Variants in PTP4A1 observed in about 807,000 individuals in gnomAD.
PTP4A1 encodes the protein protein tyrosine phosphatase 4A1.
PTP4A1 carries 9 observed loss-of-function variants against 20.5 expected under a neutral mutation model. The observed-to-expected ratio is 0.44, with a 90% CI of 0.26 to 0.77. PTP4A1 has a LOEUF of 0.77. Ranked by LOEUF, PTP4A1 falls within the 30% of genes least tolerant of loss-of-function variation. The probability of loss-of-function intolerance (pLI) is 0.19; values close to 1 mark genes in which losing one functional copy is unlikely to be tolerated. For synonymous variants in PTP4A1, 78 were observed against 67.4 expected, an observed-to-expected ratio of 1.16 and a Z score of -0.77; for missense variants, 137 against 218.8, an observed-to-expected ratio of 0.63 and a Z score of 2.36.
intron 3 of PTP4A1, among the ~76,000 whole-genome samples, chr6:63,553,382 G>T (rs1227536300): frequency 6.6e-6 from 1 of 152,128 alleles, no homozygotes; most frequent in African/African-American, 2.4e-5. Context: ...ACACAATTTT[G>T]GTCTCCATGA....
At chr6:63,531,215 T>C (rs573475119) in intron 2 of PTP4A1, among the ~76,000 whole-genome samples, 2 of 152,268 alleles carry the variant, frequency 1.3e-5, no homozygotes, top group East Asian at 1.9e-4. Flanking sequence ...TCACAGCCAA[T>C]GGGCAGAGAC....
At chr6:63,534,574 G>C (rs1212964641) in intron 2 of PTP4A1, among the ~76,000 whole-genome samples, 1 of 152,026 alleles carries the variant, frequency 6.6e-6, no homozygotes, top group Non-Finnish European at 1.5e-5. Context: ...CAGCTATGCA[G>C]GAGGCTGAGG....
At chr6:63,527,694 G>T (rs1775247441) in intron 1 of PTP4A1, 1 of 152,212 alleles carries the variant, frequency 6.6e-6, no homozygotes, top group Non-Finnish European at 1.5e-5. Context: ...ATGAGACAGT[G>T]ATGTTTCTGG....
At chr6:63,560,930 A>C (rs867740560) in intron 3 of PTP4A1, among the ~76,000 whole-genome samples, 4 of 152,226 alleles carry the variant, frequency 2.6e-5, no homozygotes, top group African/African-American at 9.7e-5. Flanking sequence ...GCAGATTTTC[A>C]GTAAAGTATT....
At chr6:63,529,095 A>C (rs1398028567) in intron 2 of PTP4A1, among the ~76,000 whole-genome samples, 1 of 149,206 alleles carries the variant, frequency 6.7e-6, no homozygotes, top group Non-Finnish European at 1.5e-5. Flanking sequence ...ATCTCAAAAT[A>C]TATATATGTG....
At chr6:63,543,076 C>T (rs1243137810) in intron 2 of PTP4A1, among the ~76,000 whole-genome samples, 2 of 152,206 alleles carry the variant, frequency 1.3e-5, no homozygotes, top group East Asian at 1.9e-4. Flanking sequence ...TCCCCCACTG[C>T]ACCTTCTCCT....
intron 3 of PTP4A1, among the ~76,000 whole-genome samples, chr6:63,557,284 G>T (rs1261516811): frequency 2.0e-5 from 3 of 152,216 alleles, no homozygotes; most frequent in Non-Finnish European, 4.4e-5. Context: ...TTAATATTAG[G>T]TGTGGGCATG....
intron 2 of PTP4A1, among the ~76,000 whole-genome samples, chr6:63,529,634 G>C (rs1329485392): frequency 6.6e-6 from 1 of 152,096 alleles, no homozygotes; most frequent in Non-Finnish European, 1.5e-5. Flanking sequence ...TCAAAAGCTT[G>C]GTTTGAGCAG....
intron 2 of PTP4A1, among the ~76,000 whole-genome samples, chr6:63,577,229 A>T (rs1202760458): frequency 2.0e-4 from 30 of 152,356 alleles, no homozygotes; most frequent in African/African-American, 7.0e-4. Flanking sequence ...ACAGTAAAAC[A>T]GTATAGCTCT....
chr6:63,550,397 G>C (rs1388074444), exon 3 of PTP4A1: 2 of 152,084 alleles, frequency 1.3e-5, no homozygotes, highest in Admixed American at 1.3e-4. Context: ...AAAGGTTGAA[G>C]CGTTCTTCAG....
In PTP4A1 at chr6:63,580,426, C is replaced by T; in HGVS notation, c.*252C>T. On this transcript the variant is annotated 3_prime_UTR_variant, in exon 6 of 6. Transcript: ENST00000626021. ...TGTGCTTGTCATTTGTATCAATTGACCTTTCCCCAAATCATGCAGTATTGA... is the reference window on the plus strand; with the variant it reads ...TGTGCTTGTCATTTGTATCAATTGATCTTTCCCCAAATCATGCAGTATTGA... 2.5e-6 allele frequency: 1 copy of T among 400,240 alleles called. No individual in the cohort carries two copies. Among genetic ancestry groups the T allele is most frequent in the Non-Finnish European group, 4.6e-6 (1 of 217,684 alleles). The allele number at this position is 400,240 out of a possible 1,614,324, so 24.8% of individuals were successfully genotyped here.
At chr6:63,573,993 T>A (rs1028839285) in intron 1 of PTP4A1, among the ~76,000 whole-genome samples, 1 of 151,902 alleles carries the variant, frequency 6.6e-6, no homozygotes, top group Non-Finnish European at 1.5e-5. Context: ...ATTCTGAGGG[T>A]TTTTTATCTT....
chr6:63,580,304 AG>A lies in PTP4A1; in HGVS notation c.*132del. On this transcript the variant is annotated 3_prime_UTR_variant, in exon 6 of 6. Transcript: ENST00000626021. ...AGGAGTATTGAAAGGCAGTTTTACC[AG>A]GCCTCAAGCTAGACAGATTTGGCAA... 1.3e-6 allele frequency: 1 copy of A among 750,678 alleles called. No homozygotes were observed. 46.5% of individuals were successfully genotyped at this position (750,678 alleles called of 1,614,324 possible).
chr6:63,572,312 T>G, upstream of PTP4A1: 3 of 211,128 alleles, frequency 1.4e-5, no homozygotes, highest in East Asian at 1.0e-4. Flanking sequence ...CGCTTAGCCA[T>G]TCATCAACCG....
At chr6:63,525,185 C>A (rs886831726) in intron 1 of PTP4A1, among the ~76,000 whole-genome samples, 1 of 152,216 alleles carries the variant, frequency 6.6e-6, no homozygotes, top group African/African-American at 2.4e-5. Context: ...TTTCAAAATT[C>A]TCAATTGTAA....
At chr6:63,537,926 G>C (rs1372783162) in intron 2 of PTP4A1, among the ~76,000 whole-genome samples, 1 of 152,188 alleles carries the variant, frequency 6.6e-6, no homozygotes, top group East Asian at 1.9e-4. Flanking sequence ...GCCCAGACAG[G>C]AGTTTAAAAG....
Position 63,580,220 on chromosome 6 carries a change from C to G in PTP4A1, c.*46C>G. On this transcript the variant is annotated 3_prime_UTR_variant, in exon 6 of 6. Coordinates refer to ENST00000626021, the MANE Select transcript of PTP4A1 (RefSeq NM_003463.5). Reference sequence around the variant, plus strand: ...CTGGAAGTGGAACTTGAGATAGGGCCTAATTTGTTATACATATTAGCCAAC... The same window carrying G: ...CTGGAAGTGGAACTTGAGATAGGGCGTAATTTGTTATACATATTAGCCAAC... 1 of 1,421,640 alleles carries G rather than the reference C, an allele frequency of 7.0e-7. No homozygotes were observed. The highest frequency in any genetic ancestry group is 9.9e-7 in the Non-Finnish European group (1 of 1,007,744). The allele number at this position is 1,421,640 out of a possible 1,614,324, so 88.1% of individuals were successfully genotyped here. A position where few individuals can be genotyped will look rare whatever the true frequency, so the allele number is the denominator to read the frequency against.
At chr6:63,522,551 G>C (rs995127727) in intron 1 of PTP4A1, among the ~76,000 whole-genome samples, 3 of 152,100 alleles carry the variant, frequency 2.0e-5, no homozygotes, top group Non-Finnish European at 4.4e-5. Context: ...TTCTTTTTGA[G>C]GTAGAAAAGG....
At chr6:63,549,965 C>T (rs1776364408) in intron 2 of PTP4A1, among the ~76,000 whole-genome samples, 1 of 152,020 alleles carries the variant, frequency 6.6e-6, no homozygotes, top group African/African-American at 2.4e-5. Flanking sequence ...ATTGAATGTT[C>T]ACAACATAAA....
Sources: gnomAD v4.1 joint callset for allele counts (sites outside exome capture counted in the v4.1 genomes callset) on GRCh38, gnomAD v4.1.1 for gene constraint, MANE v1.5 for transcripts, NCBI Gene and HGNC (gene_info 2026-07-23, HGNC 2026-07-21) for gene names.